UVRAG: variants seen among roughly 807,000 people sequenced by gnomAD.
UVRAG encodes UV radiation resistance associated.
In UVRAG, 19 loss-of-function variants were observed where a neutral mutation model predicts 78.0. The observed-to-expected ratio is 0.24, with a 90% CI of 0.17 to 0.36. UVRAG has a LOEUF of 0.36. Among genes scored for constraint, UVRAG ranks in the 10% least tolerant of loss-of-function variants. The pLI is 1.00. For missense variants in UVRAG, 740 were observed against 853.8 expected, an observed-to-expected ratio of 0.87 and a Z score of 1.66; for synonymous variants, 323 against 324.6, an observed-to-expected ratio of 1.00 and a Z score of 0.05.
At chr11:75,972,336 G>A (rs1949140148) in intron 7 of UVRAG, among the ~76,000 whole-genome samples, 1 of 152,136 alleles carries the variant, frequency 6.6e-6, no homozygotes, top group African/African-American at 2.4e-5. Context: ...TCTTCTAGAA[G>A]TATAATTTTT....
intron 12 of UVRAG, among the ~76,000 whole-genome samples, chr11:76,056,710 A>G (rs1950991237): frequency 6.6e-6 from 1 of 152,222 alleles, no homozygotes; most frequent in Non-Finnish European, 1.5e-5. Context: ...TTTCTTGGCA[A>G]GAATACTTCA....
At chr11:76,086,847 C>T (rs1951596941) in intron 13 of UVRAG, among the ~76,000 whole-genome samples, 1 of 152,198 alleles carries the variant, frequency 6.6e-6, no homozygotes, top group Non-Finnish European at 1.5e-5. Flanking sequence ...GATCTAGCAG[C>T]AGCTATTATA....
chr11:75,957,570 C>CAA (rs199704176), intron 6 of UVRAG, among the ~76,000 whole-genome samples: 1 of 150,612 alleles, frequency 6.6e-6, no homozygotes, highest in Non-Finnish European at 1.5e-5. Flanking sequence ...TAATTTCTGT[C>CAA]AAAAAAAAAT....
At chr11:75,974,051 A>G (rs992914433) in intron 7 of UVRAG, among the ~76,000 whole-genome samples, 8 of 152,308 alleles carry the variant, frequency 5.3e-5, no homozygotes, top group Admixed American at 2.0e-4. Context: ...CATGATTATA[A>G]TCCTTTGGGT....
intron 6 of UVRAG, among the ~76,000 whole-genome samples, chr11:75,927,074 T>C (rs1435752360): frequency 2.6e-5 from 4 of 151,428 alleles, no homozygotes; most frequent in Non-Finnish European, 5.9e-5. Context: ...AAAGGCATTT[T>C]TTTTTTTTTT....
At chr11:76,074,453 C>T (rs2134398056) in intron 13 of UVRAG, among the ~76,000 whole-genome samples, 1 of 152,318 alleles carries the variant, frequency 6.6e-6, no homozygotes, top group South Asian at 2.1e-4. Flanking sequence ...GGCCTCTTCT[C>T]TCCTTTTCTG....
intron 14 of UVRAG, among the ~76,000 whole-genome samples, chr11:76,127,339 GGAGTTAAAGAAAT>G (rs1952422074): frequency 6.6e-6 from 1 of 152,168 alleles, no homozygotes; most frequent in Non-Finnish European, 1.5e-5. Flanking sequence ...ACAGAATGAA[GGAGTTAAAGAAAT>G]GAGTTAAAGA....
At chr11:76,023,343 C>G (rs2135384793) in intron 12 of UVRAG, among the ~76,000 whole-genome samples, 1 of 152,252 alleles carries the variant, frequency 6.6e-6, no homozygotes, top group East Asian at 1.9e-4. Flanking sequence ...ACATTCCCCA[C>G]TATACTTGGA....
chr11:75,968,780 A>C (rs1272546323), intron 7 of UVRAG, among the ~76,000 whole-genome samples: 1 of 152,126 alleles, frequency 6.6e-6, no homozygotes, highest in Non-Finnish European at 1.5e-5. Context: ...TTGTGGAAAA[A>C]TTCAAGTTAA....
intron 3 of UVRAG, among the ~76,000 whole-genome samples, chr11:75,877,831 C>T (rs1946834882): frequency 7.0e-6 from 1 of 142,930 alleles, no homozygotes; most frequent in Admixed American, 6.8e-5. Context: ...CGCCCCTCAC[C>T]TCCCGGACGG....
chr11:76,000,643 G>A (rs995503419), intron 8 of UVRAG, among the ~76,000 whole-genome samples: 1 of 151,910 alleles, frequency 6.6e-6, no homozygotes, highest in East Asian at 1.9e-4. Context: ...AAAGAAAAAA[G>A]TTAGATAGAT....
At chr11:76,007,137 CAAGTAGCTGGG>C (rs141796638) in intron 9 of UVRAG, among the ~76,000 whole-genome samples, 1,718 of 152,168 alleles carry the variant, frequency 0.011, 31 homozygotes, top group African/African-American at 0.039. Context: ...ATCAGCCTCC[CAAGTAGCTGGG>C]ACCGCAGGCA....
chr11:75,909,986 T>C (rs563329932), intron 5 of UVRAG, among the ~76,000 whole-genome samples: 1 of 152,334 alleles, frequency 6.6e-6, no homozygotes, highest in South Asian at 2.1e-4. Flanking sequence ...TTCTTAAATG[T>C]TTGATGAAAT....
intron 6 of UVRAG, chr11:75,915,070 C>T (rs1947821104): frequency 6.6e-6 from 1 of 151,944 alleles, no homozygotes; most frequent in African/African-American, 2.4e-5. Flanking sequence ...ATGGTGAAAC[C>T]TCATCTCTAC....
intron 11 of UVRAG, among the ~76,000 whole-genome samples, chr11:76,009,596 C>T (rs1950013768): frequency 6.6e-6 from 1 of 152,112 alleles, no homozygotes; most frequent in Admixed American, 6.5e-5. Flanking sequence ...TGAGAAGTTA[C>T]TAAAGAAGAG....
At chr11:76,005,666 C>A (rs1949920987) in intron 9 of UVRAG, among the ~76,000 whole-genome samples, 1 of 152,268 alleles carries the variant, frequency 6.6e-6, no homozygotes. Flanking sequence ...TCCCACAAGA[C>A]TGCCTCACCA....
At chr11:76,061,086 A>G (rs2134371804) in intron 12 of UVRAG, among the ~76,000 whole-genome samples, 1 of 152,344 alleles carries the variant, frequency 6.6e-6, no homozygotes, top group East Asian at 1.9e-4. Flanking sequence ...TAAATACACC[A>G]GTCGGCACTC....
chr11:76,040,532 TTTTG>T (rs201347388), intron 12 of UVRAG, among the ~76,000 whole-genome samples: 2,784 of 151,412 alleles, frequency 0.018, 84 homozygotes, highest in African/African-American at 0.059. Flanking sequence ...ATTTTTGGTT[TTTTG>T]TTTGTTTGTT....
At chr11:76,016,323 A>G (rs531075692) in intron 11 of UVRAG, among the ~76,000 whole-genome samples, 2 of 152,254 alleles carry the variant, frequency 1.3e-5, no homozygotes, top group East Asian at 3.9e-4. Flanking sequence ...TCAAGAACAT[A>G]CCCCATAAGA....
Sources: gnomAD v4.1 joint callset for allele counts (sites outside exome capture counted in the v4.1 genomes callset) on GRCh38, gnomAD v4.1.1 for gene constraint, MANE v1.5 for transcripts, NCBI Gene and HGNC (gene_info 2026-07-23, HGNC 2026-07-21) for gene names.